SPG11: variants seen among roughly 807,000 people sequenced by gnomAD.
SPG11 encodes spatacsin.
In SPG11, 222 loss-of-function variants were observed where a neutral mutation model predicts 274.0. That is an observed-to-expected ratio of 0.81 (90% CI 0.73 to 0.91). The LOEUF (loss-of-function observed/expected upper bound fraction) is 0.91. SPG11 is among the 40% of genes least tolerant of loss of function. The pLI is 0.00. For missense variants in SPG11, 3,114 were observed against 2,872.7 expected (o/e 1.08, Z -1.92); for synonymous variants, 1,144 against 1,039.7 (o/e 1.10, Z -1.93).
chr15:44,589,223 T>C (rs1224350349), intron 28 of SPG11, 29 bp downstream of exon 28: 3 of 1,611,812 alleles, frequency 1.9e-6, no homozygotes, highest in Non-Finnish European at 2.5e-6. Context: ...AACTTCTTAA[T>C]AGCAACTTAA....
chr15:44,617,169 C>T (rs1011245726), intron 15 of SPG11, among the ~76,000 whole-genome samples: 3 of 152,154 alleles, frequency 2.0e-5, no homozygotes, highest in Admixed American at 2.0e-4. Context: ...TCTCTCTGTG[C>T]TGGGTGACTA....
At chr15:44,637,332 G>A (rs988922471) in intron 7 of SPG11, among the ~76,000 whole-genome samples, 4 of 151,944 alleles carry the variant, frequency 2.6e-5, no homozygotes, top group African/African-American at 9.7e-5. Context: ...TTTTTCTTTG[G>A]AGACAGGATC....
intron 1 of SPG11, 59 bp downstream of exon 1, chr15:44,663,332 A>G (rs1595944550): frequency 1.3e-6 from 2 of 1,568,132 alleles, no homozygotes; most frequent in Non-Finnish European, 1.7e-6. Context: ...CTTGGGGCTC[A>G]GTCAGCCGAG....
intron 29 of SPG11, among the ~76,000 whole-genome samples, chr15:44,585,030 T>C (rs750900847): frequency 3.7e-4 from 56 of 152,166 alleles, no homozygotes; most frequent in Non-Finnish European, 7.6e-4. Flanking sequence ...AAAACAATTC[T>C]TGATTGATCT....
chr15:44,635,281 C>T (rs1461411961), intron 7 of SPG11, among the ~76,000 whole-genome samples: 7 of 151,596 alleles, frequency 4.6e-5, no homozygotes, highest in Non-Finnish European at 1.5e-5. Context: ...CTGTCTGATC[C>T]TTTACAAAGT....
At chr15:44,595,520 T>C (rs774347279) in intron 25 of SPG11, 61 bp from the exon 26 acceptor site, 81 of 1,496,240 alleles carry the variant, frequency 5.4e-5, no homozygotes, top group Non-Finnish European at 7.3e-5. Context: ...GTACAAATAC[T>C]ACAGATGGAT....
At chr15:44,567,659 A>C in intron 35 of SPG11, 67 bp from the exon 36 acceptor site, 3 of 1,555,084 alleles carry the variant, frequency 1.9e-6, no homozygotes, top group Non-Finnish European at 2.7e-6. Flanking sequence ...GGACTAGCTG[A>C]GTCACCTTGT....
intron 20 of SPG11, among the ~76,000 whole-genome samples, chr15:44,604,931 CAAAAAAAAAAAAAAAA>C (rs908048525): frequency 1.3e-4 from 3 of 22,496 alleles, no homozygotes; most frequent in Non-Finnish European, 2.4e-4. Flanking sequence ...ACTCCATCTC[CAAAAAAAAAAAAAAAA>C]AAAAAAAAAA....
At chr15:44,585,103 T>A (rs544183784) in intron 29 of SPG11, among the ~76,000 whole-genome samples, 1 of 152,152 alleles carries the variant, frequency 6.6e-6, no homozygotes, top group Admixed American at 6.5e-5. Flanking sequence ...AAAATAGTTG[T>A]AGCATATCCT....
In SPG11 at chr15:44,613,421, T is replaced by A. The variant is rs780412179; in HGVS notation, c.3145+9A>T. On this transcript the variant is annotated intron_variant, in intron 17 of 39. Coordinates refer to ENST00000261866, the MANE Select transcript of SPG11 (RefSeq NM_025137.4). ...GCAAGTTTCTGTGTTTAATACAGTA[T>A]ACCCATACCTGTTAAGTTACTGGCA... 1 of 1,570,290 alleles carries A rather than the reference T, an allele frequency of 6.4e-7. No individual in the cohort carries two copies. Among genetic ancestry groups the A allele is most frequent in the African/African-American group, 1.3e-5 (1 of 74,156 alleles).
At chr15:44,604,347 T>C (rs1448469464) in intron 20 of SPG11, 1 of 253,964 alleles carries the variant, frequency 3.9e-6, no homozygotes, top group Non-Finnish European at 8.1e-6. Context: ...TGACAACTTG[T>C]AATTACATAT....
chr15:44,634,543 G>A (rs2084182083), intron 7 of SPG11, among the ~76,000 whole-genome samples: 1 of 150,986 alleles, frequency 6.6e-6, no homozygotes. Flanking sequence ...CTCGGCCTCC[G>A]AAATTGCTGG....
At chr15:44,601,161 A>C (rs1156973297) in intron 20 of SPG11, among the ~76,000 whole-genome samples, 1 of 152,056 alleles carries the variant, frequency 6.6e-6, no homozygotes, top group Non-Finnish European at 1.5e-5. Context: ...TCAAAAAAAC[A>C]AAAAAAAGTG....
In SPG11 at chr15:44,657,249, C is replaced by T. The variant is rs1566831714; in HGVS notation, c.715G>A (p.Ala239Thr). 6.2e-7 allele frequency: 1 copy of T among 1,614,154 alleles called. No homozygotes were observed. Among genetic ancestry groups the T allele is most frequent in the Non-Finnish European group, 8.5e-7 (1 of 1,180,034 alleles). Residue 239 changes from alanine (A) to threonine (T), a missense_variant, in exon 4 of 40, where the codon GCA (alanine) becomes ACA (threonine). Physicochemically the swap from Ala to Thr is moderately conservative, Grantham distance 58. Coordinates refer to ENST00000261866, the MANE Select transcript of SPG11 (RefSeq NM_025137.4). Reference sequence around the variant, plus strand: ...TTACACATGTCTTCTTTGTGAAGTGCTAAATCCACATGAGCTACATATGTA... The same window carrying T: ...TTACACATGTCTTCTTTGTGAAGTGTTAAATCCACATGAGCTACATATGTA... ...DGTYVAHVDL[A>T]LHKEDMCNEQ... is the part of the protein sequence containing the mutation.
intron 27 of SPG11, among the ~76,000 whole-genome samples, chr15:44,591,809 TA>T (rs377505597): frequency 1.5e-4 from 22 of 151,422 alleles, no homozygotes; most frequent in Non-Finnish European, 2.5e-4. Flanking sequence ...TTCTTCTCTA[TA>T]AAAAAAATAT....
intron 15 of SPG11, among the ~76,000 whole-genome samples, chr15:44,618,335 C>T (rs561745310): frequency 6.0e-5 from 9 of 149,130 alleles, no homozygotes; most frequent in Non-Finnish European, 8.9e-5. Flanking sequence ...GGTGAAACCT[C>T]GTCTCTACTA....
intron 14 of SPG11, 103 bp downstream of exon 14, chr15:44,621,656 C>A: frequency 8.8e-7 from 1 of 1,137,934 alleles, no homozygotes. Flanking sequence ...ATATTATTTC[C>A]CGAAAGGAAT....
At chr15:44,605,398 T>C (rs962084096) in intron 20 of SPG11, among the ~76,000 whole-genome samples, 1 of 152,278 alleles carries the variant, frequency 6.6e-6, no homozygotes, top group Non-Finnish European at 1.5e-5. Flanking sequence ...GTACATACTA[T>C]GTACAAAGTA....
chr15:44,584,605 G>C, intron 29 of SPG11, 47 bp from the exon 30 acceptor site: 1 of 1,592,036 alleles, frequency 6.3e-7, no homozygotes, highest in South Asian at 1.1e-5. Flanking sequence ...GGATAAAAAA[G>C]TATCATAAAT....
Sources: allele counts gnomAD v4.1 joint callset (sites outside exome capture counted in the v4.1 genomes callset), GRCh38; gene constraint gnomAD v4.1.1; transcripts MANE v1.5; gene names NCBI Gene and HGNC (gene_info 2026-07-23, HGNC 2026-07-21).